The following ADGRB3 variants were observed in gnomAD, a reference collection of about 807,000 sequenced individuals.
ADGRB3 encodes the protein adhesion G protein-coupled receptor B3, also known as brain-specific angiogenesis inhibitor 3.
A neutral mutation model predicts 193.4 loss-of-function variants in ADGRB3; 37 were observed. That is an observed-to-expected ratio of 0.19 (90% CI 0.15 to 0.25). The LOEUF (loss-of-function observed/expected upper bound fraction) is 0.25. ADGRB3 is among the 10% of genes least tolerant of loss of function. ADGRB3 has a pLI of 1.00. For missense variants in ADGRB3, 1,637 were observed against 1,852.9 expected (o/e 0.88, Z 2.14); for synonymous variants, 690 against 644.2 (o/e 1.07, Z -1.08).
At chr6:69,325,453 T>C (rs1768547091) in intron 21 of ADGRB3, among the ~76,000 whole-genome samples, 1 of 152,086 alleles carries the variant, frequency 6.6e-6, no homozygotes, top group African/African-American at 2.4e-5. Flanking sequence ...GCGATTCATT[T>C]CATAGGGAGA....
At chr6:69,281,967 G>A (rs1767446610) in intron 20 of ADGRB3, among the ~76,000 whole-genome samples, 2 of 152,078 alleles carry the variant, frequency 1.3e-5, no homozygotes, top group Admixed American at 1.3e-4. Flanking sequence ...AAAGACTAAA[G>A]CATCACTGGG....
intron 13 of ADGRB3, among the ~76,000 whole-genome samples, chr6:69,038,099 A>C (rs1770927819): frequency 6.6e-6 from 1 of 152,172 alleles, no homozygotes; most frequent in Non-Finnish European, 1.5e-5. Context: ...ACATGTATAG[A>C]ATGAATTCTT....
chr6:68,978,340 A>G (rs80302468), intron 10 of ADGRB3, among the ~76,000 whole-genome samples: 3 of 94,714 alleles, frequency 3.2e-5, no homozygotes, highest in African/African-American at 4.8e-5. Context: ...ACATAGATAG[A>G]TAGGTAGGTA....
rs1767421158 is a variant in ADGRB3, at chr6:68,934,077, A to T, written c.869-2442A>T. On this transcript the variant is annotated intron_variant, in intron 4 of 31. Transcript: ENST00000370598. ...ACTAGAATGTTCTTCATACTTTTAT[A>T]AATAAGGAAGTGGCAGCAGGGAAAA... Among the ~76,000 whole-genome samples, 3 of 152,314 alleles carry T rather than the reference A, an allele frequency of 2.0e-5. No homozygotes were observed. In the South Asian group the frequency reaches 6.2e-4, roughly 32 times the overall value.
In ADGRB3 at chr6:69,237,188, T is replaced by C. The variant is rs553068873; in HGVS notation, c.2712-1936T>C. Among the ~76,000 whole-genome samples the C allele has an allele frequency of 9.1e-4, 139 of 152,150 alleles. 1 individual carries two copies. The highest frequency in any genetic ancestry group is 3.2e-3 in the African/African-American group (135 of 41,548). ...TGCCATTATACATGTAGGGTATATATTGTGTACTGTATAATATTACTGTAT... is the reference window on the plus strand; with the variant it reads ...TGCCATTATACATGTAGGGTATATACTGTGTACTGTATAATATTACTGTAT... On this transcript the variant is annotated intron_variant, in intron 19 of 31. Coordinates refer to ENST00000370598, the MANE Select transcript of ADGRB3 (RefSeq NM_001704.3).
intron 17 of ADGRB3, 116 bp downstream of exon 17, chr6:69,076,154 G>GAAA: frequency 2.2e-5 from 15 of 695,454 alleles, no homozygotes; most frequent in South Asian, 3.9e-5. Context: ...TGCATTCAGA[G>GAAA]AAAAAAAAAT....
At chr6:69,362,639 G>A (rs1769477881) in intron 29 of ADGRB3, among the ~76,000 whole-genome samples, 2 of 151,956 alleles carry the variant, frequency 1.3e-5, no homozygotes, top group African/African-American at 4.8e-5. Flanking sequence ...CTCAAACTGA[G>A]TAAGGCTTCT....
At chr6:69,315,207 A>C (rs1019960457) in intron 20 of ADGRB3, among the ~76,000 whole-genome samples, 9 of 151,570 alleles carry the variant, frequency 5.9e-5, no homozygotes, top group African/African-American at 2.2e-4. Context: ...ACAAGGCAAC[A>C]TGTTATAGTG....
chr6:69,061,564 TAAA>T (rs776294906), intron 15 of ADGRB3, among the ~76,000 whole-genome samples: 2 of 152,028 alleles, frequency 1.3e-5, no homozygotes, highest in Non-Finnish European at 2.9e-5. Context: ...TATCCATACA[TAAA>T]ATGTGTATGG....
At chr6:69,266,571 G>A (rs1176336514) in intron 20 of ADGRB3, among the ~76,000 whole-genome samples, 1 of 151,968 alleles carries the variant, frequency 6.6e-6, no homozygotes, top group African/African-American at 2.4e-5. Flanking sequence ...CAGTTTCAAT[G>A]TTATAGTTTA....
intron 17 of ADGRB3, among the ~76,000 whole-genome samples, chr6:69,088,373 T>C (rs927580430): frequency 6.6e-6 from 1 of 152,066 alleles, no homozygotes; most frequent in Admixed American, 6.6e-5. Flanking sequence ...TTGTTGTTGT[T>C]GTTGTTGTTT....
At chr6:68,649,070 A>T (rs1768285366) in intron 3 of ADGRB3, among the ~76,000 whole-genome samples, 1 of 152,122 alleles carries the variant, frequency 6.6e-6, no homozygotes, top group Non-Finnish European at 1.5e-5. Context: ...TATGCAGAAT[A>T]CTCTAAAAAT....
At chr6:68,984,011 G>T (rs1383356406) in intron 10 of ADGRB3, among the ~76,000 whole-genome samples, 1 of 152,098 alleles carries the variant, frequency 6.6e-6, no homozygotes, top group Non-Finnish European at 1.5e-5. Context: ...ATACCTTGAG[G>T]TCTTTAAGAA....
chr6:69,355,775 G>T (rs779333920), intron 27 of ADGRB3, 46 bp from the exon 28 acceptor site: 29 of 1,457,594 alleles, frequency 2.0e-5, no homozygotes, highest in Non-Finnish European at 2.8e-5. Context: ...GACACTTGAG[G>T]TCTTCATTAA....
At chr6:69,284,673 C>A (rs903551659) in intron 20 of ADGRB3, among the ~76,000 whole-genome samples, 2 of 151,990 alleles carry the variant, frequency 1.3e-5, no homozygotes, top group Non-Finnish European at 2.9e-5. Flanking sequence ...TAAAAAAAAC[C>A]TTGATTTTAA....
At chr6:68,996,728 T>G (rs758028551) in intron 11 of ADGRB3, among the ~76,000 whole-genome samples, 8 of 152,192 alleles carry the variant, frequency 5.3e-5, no homozygotes, top group Non-Finnish European at 1.0e-4. Context: ...TTTCCTCTTC[T>G]GCATCTCATC....
intron 13 of ADGRB3, among the ~76,000 whole-genome samples, chr6:69,032,539 G>T (rs79154001): frequency 3.9e-5 from 6 of 152,046 alleles, no homozygotes; most frequent in Non-Finnish European, 7.4e-5. Flanking sequence ...ACAATAACCC[G>T]TGAAGAGAAA....
chr6:68,847,637 A>G (rs149433850), intron 3 of ADGRB3, among the ~76,000 whole-genome samples: 22 of 152,224 alleles, frequency 1.4e-4, no homozygotes, highest in African/African-American at 4.8e-4. Context: ...TGCCATGATT[A>G]TGAGACCTCC....
intron 6 of ADGRB3, among the ~76,000 whole-genome samples, chr6:68,946,922 G>A (rs939740841): frequency 6.6e-6 from 1 of 152,088 alleles, no homozygotes; most frequent in African/African-American, 2.4e-5. Context: ...CCTATAAGTA[G>A]ATAATATGCT....
Sources: gnomAD v4.1 joint callset for allele counts (sites outside exome capture counted in the v4.1 genomes callset) on GRCh38, gnomAD v4.1.1 for gene constraint, MANE v1.5 for transcripts, NCBI Gene and HGNC (gene_info 2026-07-23, HGNC 2026-07-21) for gene names.